The following MCOLN1 variants were observed in gnomAD, a reference collection of about 807,000 sequenced individuals.
The protein encoded by MCOLN1 is mucolipin-1.
MCOLN1 carries 50 observed loss-of-function variants against 70.3 expected under a neutral mutation model. That is an observed-to-expected ratio of 0.71 (90% CI 0.57 to 0.90). MCOLN1 has a LOEUF of 0.90. MCOLN1 is among the 40% of genes least tolerant of loss of function. The pLI is 0.00. For synonymous variants in MCOLN1, 366 were observed against 341.0 expected, an observed-to-expected ratio of 1.07 and a Z score of -0.81; for missense variants, 598 against 803.5, an observed-to-expected ratio of 0.74 and a Z score of 3.09.
rs199756902 is a variant in MCOLN1, at chr19:7,530,339, C to T, written c.1413C>T (p.Asp471=). ...GCCTGTTCTCGCTCATCAATGGGGACGACATGTTTGTGACGTTCGCCGCCA... is the reference window on the plus strand; with the variant it reads ...GCCTGTTCTCGCTCATCAATGGGGATGACATGTTTGTGACGTTCGCCGCCA... ...SECLFSLING[D]DMFVTFAAMQ... Residue 471 remains aspartate, a synonymous_variant, in exon 12 of 14, where the codon GAC becomes GAT. Transcript: ENST00000264079. 1.1e-5 allele frequency: 18 copies of T among 1,613,814 alleles called. No individual in the cohort carries two copies. The highest frequency in any genetic ancestry group is 6.7e-5 in the East Asian group (3 of 44,886).
rs974467595 is a variant in MCOLN1 at position 7,527,541 on chromosome 19, C to T, written c.593C>T (p.Pro198Leu). The T allele has an allele frequency of 2.5e-6, 4 of 1,581,926 alleles. No homozygotes were observed. The highest frequency in any genetic ancestry group is 3.5e-6 in the Non-Finnish European group (4 of 1,150,458). Residue 198 changes from proline (P) to leucine (L), a missense_variant, in exon 5 of 14, where the codon CCC (proline) becomes CTC (leucine). By Grantham distance (98) the Pro-to-Leu change is moderately conservative. Transcript: ENST00000264079. ...VVTDCIQVDPPERPPPPPSDD... is the reference protein window; with the variant it reads ...VVTDCIQVDPLERPPPPPSDD... ...TTAGACTGCATCCAGGTGGATCCCC[C>T]CGAGCGGCCCCCTCCGCCCCCCAGC...
chr19:7,531,237 GTGGCCCAGGC>G, intron 12 of MCOLN1, among the ~76,000 whole-genome samples: 1 of 151,604 alleles, frequency 6.6e-6, no homozygotes, highest in Non-Finnish European at 1.5e-5. Context: ...ATCTTACCCT[GTGGCCCAGGC>G]TGGAGTGCAA....
At chr19:7,530,532 G>T (rs1208620768) in intron 12 of MCOLN1, 31 bp downstream of exon 12, 2 of 1,587,236 alleles carry the variant, frequency 1.3e-6, no homozygotes, top group East Asian at 4.5e-5. Flanking sequence ...CCTGAGCTCG[G>T]GCTCTGGGTG....
chr19:7,531,274 C>T (rs1310906037), intron 12 of MCOLN1, among the ~76,000 whole-genome samples: 4 of 151,902 alleles, frequency 2.6e-5, no homozygotes, highest in African/African-American at 9.7e-5. Flanking sequence ...GATCTCGGCT[C>T]ACTGCAACCT....
intron 5 of MCOLN1, 107 bp from the exon 6 acceptor site, chr19:7,527,757 C>G: frequency 8.9e-7 from 1 of 1,127,452 alleles, no homozygotes; most frequent in Non-Finnish European, 1.4e-6. Flanking sequence ...GCTGGGTGAG[C>G]ACTTCCCCTG....
At position 7,524,150 on chromosome 19, in the gene MCOLN1, G is replaced by A. The variant is rs1312131444; in HGVS notation, c.32-811G>A. ...GCATGAGCCACTGAGCCCAGCCAAGGGGTCGCCTTTTTAAAATTTCCACTC... is the reference window on the plus strand; with the variant it reads ...GCATGAGCCACTGAGCCCAGCCAAGAGGTCGCCTTTTTAAAATTTCCACTC... On this transcript the variant is annotated intron_variant, in intron 1 of 13. Transcript: ENST00000264079. This position sits in a 1 kb window ranked among gnomAD's most constrained non-coding sequence, Gnocchi z 4.1. 6.6e-6 allele frequency among the ~76,000 whole-genome samples: 1 copy of A among 152,120 alleles called. No individual in the cohort carries two copies. Among genetic ancestry groups the A allele is most frequent in the Non-Finnish European group, 1.5e-5 (1 of 68,028 alleles).
chr19:7,522,929 C>T (rs1228125636), intron 1 of MCOLN1, 148 bp downstream of exon 1: 2 of 692,322 alleles, frequency 2.9e-6, no homozygotes, highest in Non-Finnish European at 4.1e-6. Context: ...GCTCCTAGAA[C>T]TTGGGCGGCG....
rs374412302 is a variant in MCOLN1, at chr19:7,526,799, G to A, written c.444G>A (p.Ala148=). Residue 148 remains alanine (A), a synonymous_variant, in exon 4 of 14, where the codon GCG becomes GCA. Transcript: ENST00000264079. The surrounding 1 kb of genome is among the most constrained non-coding windows in gnomAD (Gnocchi z 4.6). ...ALPDVSLGRY[A]YVRGGGDPWT... Reference sequence around the variant, plus strand: ...CTGACGTGTCACTGGGCCGGTATGCGTATGTCCGTGGTGGGGGTGACCCTT... The same window carrying A: ...CTGACGTGTCACTGGGCCGGTATGCATATGTCCGTGGTGGGGGTGACCCTT... The A allele has an allele frequency of 1.9e-5, 31 of 1,614,062 alleles. No individual in the cohort carries two copies. The highest frequency in any genetic ancestry group is 4.5e-5 in the East Asian group (2 of 44,898).
In MCOLN1 at chr19:7,526,806, C is replaced by A; in HGVS notation, c.451C>A (p.Arg151Ser). ...GTCACTGGGCCGGTATGCGTATGTC[C>A]GTGGTGGGGGTGACCCTTGGACCAA... is the stretch of plus-strand genomic sequence containing the variant. ...DVSLGRYAYV[R>S]GGGDPWTNGS... is the part of the protein sequence containing the mutation. Residue 151 changes from arginine to serine, a missense_variant, in exon 4 of 14, where the codon CGT becomes AGT. Transcript: ENST00000264079. This position sits in a 1 kb window ranked among gnomAD's most constrained non-coding sequence, Gnocchi z 4.6. 1 of 1,614,178 alleles carries A rather than the reference C, an allele frequency of 6.2e-7. No homozygotes were observed. Among genetic ancestry groups the A allele is most frequent in the African/African-American group, 1.3e-5 (1 of 75,046 alleles).
In MCOLN1 at chr19:7,527,730, C is replaced by G. The variant is rs527812665; in HGVS notation, c.680+102C>G. 118 of 1,082,456 alleles carry G rather than the reference C, an allele frequency of 1.1e-4. No individual in the cohort carries two copies. The Admixed American group carries it at 1.6e-3, about 15-fold the overall frequency. 67.1% of individuals were successfully genotyped at this position (1,082,456 alleles called of 1,614,324 possible). A position where few individuals can be genotyped will look rare whatever the true frequency, so the allele number is the denominator to read the frequency against. On this transcript the variant is annotated intron_variant, in intron 5 of 13. Coordinates refer to ENST00000264079, the MANE Select transcript of MCOLN1 (RefSeq NM_020533.3). ...CCCTAAGGTGGGGACAGGGCCCCCC[C>G]GCCCGCGCTGGTGCCTGCTGGGTGA... is the stretch of plus-strand genomic sequence containing the variant.
At chr19:7,531,039 CTATTT>C (rs1395239549) in intron 12 of MCOLN1, among the ~76,000 whole-genome samples, 2 of 152,086 alleles carry the variant, frequency 1.3e-5, no homozygotes, top group Non-Finnish European at 2.9e-5. Flanking sequence ...CACGCCCGGC[CTATTT>C]TATTTTATTA....
Position 7,528,098 on chromosome 19 carries a change from A to C in MCOLN1, c.778-60A>C. 2 of 1,585,644 alleles carry C rather than the reference A, an allele frequency of 1.3e-6. No individual in the cohort carries two copies. Among genetic ancestry groups the C allele is most frequent in the Admixed American group, 1.7e-5 (1 of 59,976 alleles). The stretch of plus-strand genomic sequence containing the variant: ...CCCGGGGTCTGTCAGGCCACCTGTC[A>C]TGTGGACCTTGGGGCTTGGGGCTGC... On this transcript the variant is annotated intron_variant, in intron 6 of 13. Transcript: ENST00000264079. This position sits in a 1 kb window ranked among gnomAD's most constrained non-coding sequence, Gnocchi z 4.2.
rs767506296 is a variant in MCOLN1 at position 7,525,026 on chromosome 19, C to G, written c.97C>G (p.Pro33Ala). ...CCAGGCGGGGCCTTCACCGGCCCCT[C>G]CGACACCCCCAGAAGAGGAAGACCT... ...GTQAGPSPAP[P>A]TPPEEEDLRR... Residue 33 changes from proline to alanine, a missense_variant, in exon 2 of 14, where the codon CCG becomes GCG. Physicochemically the swap from Pro to Ala is conservative, Grantham distance 27 (BLOSUM62 -1). Around this residue, in one of 3 missense-constraint regions of MCOLN1, gnomAD observed 461 missense variants for 588.4 expected, o/e 0.78. Transcript: ENST00000264079. The surrounding 1 kb of genome is among the most constrained non-coding windows in gnomAD (Gnocchi z 4.2). The G allele has an allele frequency of 6.2e-7, 1 of 1,614,034 alleles. No homozygotes were observed. The highest frequency in any genetic ancestry group is 1.1e-5 in the South Asian group (1 of 91,088).
At chr19:7,529,753 C>T (rs1451316652) in intron 11 of MCOLN1, 41 bp downstream of exon 11, 2 of 1,613,108 alleles carry the variant, frequency 1.2e-6, no homozygotes, top group Admixed American at 1.7e-5. Flanking sequence ...GACCCTGTGA[C>T]CTTGTCATTG....
intron 11 of MCOLN1, 88 bp from the exon 12 acceptor site, chr19:7,530,198 A>G (rs1296892264): frequency 8.5e-7 from 1 of 1,174,378 alleles, no homozygotes; most frequent in African/African-American, 1.5e-5. Context: ...ACCAGCTCCT[A>G]GCCATTTGCA....
At chr19:7,530,633 A>C in intron 12 of MCOLN1, 132 bp downstream of exon 12, 3 of 929,138 alleles carry the variant, frequency 3.2e-6, no homozygotes, top group Non-Finnish European at 5.2e-6. Flanking sequence ...ATGAAACCAA[A>C]AAGAGGGTGG....
intron 12 of MCOLN1, chr19:7,533,305 C>T: frequency 1.6e-6 from 1 of 623,766 alleles, no homozygotes; most frequent in Non-Finnish European, 2.8e-6. Flanking sequence ...AAGGCAAAGA[C>T]ACAGACTGGC....
chr19:7,528,321 GC>G lies in MCOLN1; in HGVS notation c.877+68del. The G allele has an allele frequency of 1.3e-6, 2 of 1,508,168 alleles. No homozygotes were observed. Among genetic ancestry groups the G allele is most frequent in the Non-Finnish European group, 1.8e-6 (2 of 1,085,778 alleles). The allele number at this position is 1,508,168 out of a possible 1,614,324, so 93.4% of individuals were successfully genotyped here. A position where few individuals can be genotyped will look rare whatever the true frequency, so the allele number is the denominator to read the frequency against. ...CCTGGCCTGTCCTGGGATTCCCCAA[GC>G]CCCAGATCAGCGCTGCCTGGGGGCC... On this transcript the variant is annotated intron_variant, in intron 7 of 13. Coordinates refer to ENST00000264079, the MANE Select transcript of MCOLN1 (RefSeq NM_020533.3). This position sits in a 1 kb window ranked among gnomAD's most constrained non-coding sequence, Gnocchi z 4.2.
Position 7,533,386 on chromosome 19 carries a change from G to A in MCOLN1, c.1576-137G>A, listed in dbSNP as rs1406096395. ...CTGTGCAAGCAAACTGTGGAACAACGGGTGGAGCAGGCCCAGCAAGTGCAA... is the reference window on the plus strand; with the variant it reads ...CTGTGCAAGCAAACTGTGGAACAACAGGTGGAGCAGGCCCAGCAAGTGCAA... On this transcript the variant is annotated intron_variant, in intron 12 of 13. Transcript: ENST00000264079. 39 of 1,142,476 alleles carry A rather than the reference G, an allele frequency of 3.4e-5. No individual in the cohort carries two copies. The Admixed American group carries it at 8.5e-4, about 25-fold the overall frequency. 70.8% of individuals were successfully genotyped at this position (1,142,476 alleles called of 1,614,324 possible). A position where few individuals can be genotyped will look rare whatever the true frequency, so the allele number is the denominator to read the frequency against.
Sources: gnomAD v4.1 joint callset for allele counts (sites outside exome capture counted in the v4.1 genomes callset) on GRCh38, gnomAD v4.1.1 for gene constraint, gnomAD v4.1.1 regional missense constraint, Gnocchi (gnomAD v3.1) non-coding constraint, MANE v1.5 for transcripts, NCBI Gene and HGNC (gene_info 2026-07-23, HGNC 2026-07-21) for gene names.